The following MAN1A2 variants were observed in gnomAD, a reference collection of about 807,000 sequenced individuals.
MAN1A2 encodes the protein mannosyl-oligosaccharide 1,2-alpha-mannosidase IB.
Under a neutral mutation model 75.7 loss-of-function variants are expected in MAN1A2, and 26 were observed. That is an observed-to-expected ratio of 0.34 (90% CI 0.25 to 0.48). MAN1A2 has a LOEUF of 0.48. Among genes scored for constraint, MAN1A2 ranks in the 20% least tolerant of loss-of-function variants. The pLI is 0.99. For missense variants in MAN1A2, 562 were observed against 775.5 expected (o/e 0.72, Z 3.27); for synonymous variants, 247 against 264.6 (o/e 0.93, Z 0.65).
chr1:117,403,016 C>T (rs1647493075), intron 2 of MAN1A2, among the ~76,000 whole-genome samples: 1 of 151,992 alleles, frequency 6.6e-6, no homozygotes, highest in African/African-American at 2.4e-5. Flanking sequence ...TCTGTAGTTA[C>T]TTAAAAGTAA....
intron 8 of MAN1A2, among the ~76,000 whole-genome samples, chr1:117,472,295 A>G (rs974820680): frequency 1.2e-4 from 18 of 152,056 alleles, no homozygotes; most frequent in African/African-American, 4.3e-4. Context: ...CTCTCTTGCA[A>G]CCACCTGTTA....
At chr1:117,520,781 A>G (rs1419790489) in intron 12 of MAN1A2, among the ~76,000 whole-genome samples, 1 of 152,010 alleles carries the variant, frequency 6.6e-6, no homozygotes, top group Non-Finnish European at 1.5e-5. Flanking sequence ...TTCCTGTCAA[A>G]ATACCACCAT....
intron 7 of MAN1A2, among the ~76,000 whole-genome samples, chr1:117,464,098 G>T (rs780217127): frequency 3.9e-5 from 6 of 152,144 alleles, no homozygotes; most frequent in Non-Finnish European, 8.8e-5. Flanking sequence ...GGGCACAGTG[G>T]TTCACACCTG....
intron 12 of MAN1A2, among the ~76,000 whole-genome samples, chr1:117,517,199 A>G (rs1373197617): frequency 1.3e-5 from 2 of 152,190 alleles, no homozygotes; most frequent in Non-Finnish European, 2.9e-5. Context: ...ACATCCCTGA[A>G]CAAAACTCAA....
chr1:117,458,523 A>AGATATTT (rs372300456), intron 6 of MAN1A2, among the ~76,000 whole-genome samples: 2 of 105,610 alleles, frequency 1.9e-5, no homozygotes, highest in Admixed American at 9.7e-5. Context: ...ATATATATAT[A>AGATATTT]TTTTTTTTTT....
rs755569653 is a variant in MAN1A2, at chr1:117,368,446, G to C, written c.263G>C (p.Gly88Ala). The change falls in exon 1 of 13, where the codon GGA becomes GCA. Residue 88 changes from glycine to alanine, a missense_variant. This residue lies in a region of MAN1A2 where 128 missense variants were observed against 129.8 expected (regional missense o/e 0.99). Coordinates refer to ENST00000356554, the MANE Select transcript of MAN1A2 (RefSeq NM_006699.5). The part of the protein sequence containing the change: ...VDAGKGAKNP[G>A]VFLIHGPDEH... ...GCCGGTAAAGGGGCTAAAAACCCCG[G>C]AGTCTTCCTGATCCATGGACCCGAT... 2 of 1,613,620 alleles carry C rather than the reference G, an allele frequency of 1.2e-6. No individual in the cohort carries two copies. The highest frequency in any genetic ancestry group is 1.3e-5 in the African/African-American group (1 of 74,944).
Position 117,422,884 on chromosome 1 carries a change from A to G in MAN1A2, c.855+2235A>G, listed in dbSNP as rs148492959. 3.9e-4 allele frequency among the ~76,000 whole-genome samples: 59 copies of G among 152,212 alleles called. No homozygotes were observed. In the East Asian group the frequency reaches 8.7e-3, roughly 22 times the overall value. ...CTTGTCTTTCCAGTGATTTAACAGT[A>G]TCTTTTGAAGAATTGATGTTGTTAA... On this transcript the variant is annotated intron_variant, in intron 5 of 12. Transcript: ENST00000356554.
chr1:117,498,028 G>A (rs1651085614), intron 10 of MAN1A2, among the ~76,000 whole-genome samples: 1 of 151,796 alleles, frequency 6.6e-6, no homozygotes, highest in South Asian at 2.1e-4. Flanking sequence ...TAAACTTATG[G>A]CAAAATTGAT....
intron 5 of MAN1A2, among the ~76,000 whole-genome samples, chr1:117,435,717 T>C (rs1399893896): frequency 6.6e-6 from 1 of 152,210 alleles, no homozygotes; most frequent in Non-Finnish European, 1.5e-5. Context: ...ACTTTTTTAT[T>C]TTTTCTATTT....
intron 4 of MAN1A2, among the ~76,000 whole-genome samples, chr1:117,416,648 AAG>A (rs1648002476): frequency 6.6e-6 from 1 of 152,180 alleles, no homozygotes; most frequent in Admixed American, 6.5e-5. Flanking sequence ...AAAAGGCAAA[AAG>A]AGAGCATTGT....
chr1:117,448,774 G>A (rs1334921490), intron 6 of MAN1A2, among the ~76,000 whole-genome samples: 8 of 152,156 alleles, frequency 5.3e-5, no homozygotes, highest in African/African-American at 2.4e-5. Flanking sequence ...TGGGAGTGGC[G>A]AATTTGGGAG....
At chr1:117,467,530 A>G (rs1049523605) in intron 8 of MAN1A2, among the ~76,000 whole-genome samples, 1 of 152,062 alleles carries the variant, frequency 6.6e-6, no homozygotes, top group African/African-American at 2.4e-5. Context: ...GACTCTTTTT[A>G]TACTTACTTT....
chr1:117,431,165 G>A (rs1485196637), intron 5 of MAN1A2, among the ~76,000 whole-genome samples: 1 of 120,718 alleles, frequency 8.3e-6, no homozygotes, highest in East Asian at 2.9e-4. Flanking sequence ...TCCAGCTTCG[G>A]CTCCGCATGA....
intron 8 of MAN1A2, among the ~76,000 whole-genome samples, chr1:117,476,546 G>A (rs1384338513): frequency 2.0e-5 from 3 of 152,040 alleles, no homozygotes; most frequent in African/African-American, 7.2e-5. Flanking sequence ...AAGGTGTAAG[G>A]AAGGGGCCCA....
At chr1:117,504,705 A>G (rs935713211) in intron 12 of MAN1A2, among the ~76,000 whole-genome samples, 2 of 151,490 alleles carry the variant, frequency 1.3e-5, no homozygotes, top group Non-Finnish European at 3.0e-5. Flanking sequence ...TTTGGTTGTC[A>G]TCGTCTCTTT....
At chr1:117,481,555 G>A (rs1469888161) in intron 8 of MAN1A2, among the ~76,000 whole-genome samples, 1 of 151,970 alleles carries the variant, frequency 6.6e-6, no homozygotes, top group Non-Finnish European at 1.5e-5. Flanking sequence ...GGTTGCCTGA[G>A]TGATTGTGCT....
chr1:117,474,467 C>A (rs1650256205), intron 8 of MAN1A2, among the ~76,000 whole-genome samples: 2 of 151,316 alleles, frequency 1.3e-5, no homozygotes, highest in Non-Finnish European at 2.9e-5. Context: ...CTATCCATCT[C>A]CAGCTCTTAT....
At chr1:117,406,489 G>T (rs1440664589) in intron 3 of MAN1A2, among the ~76,000 whole-genome samples, 1 of 152,004 alleles carries the variant, frequency 6.6e-6, no homozygotes, top group East Asian at 1.9e-4. Flanking sequence ...TTGACACTAG[G>T]GAAGGATTTT....
In MAN1A2 at chr1:117,471,018, GT is replaced by G. The variant is rs200743380; in HGVS notation, c.1168+4600del. ...ACCTAGATTTAAAGGCAAATTACTA[GT>G]TTTTTTTTCTTTTCTAAAACTTTTT... On this transcript the variant is annotated intron_variant, in intron 8 of 12. Transcript: ENST00000356554. Among the ~76,000 whole-genome samples the G allele has an allele frequency of 2.6e-3, 391 of 149,282 alleles. 3 individuals carry two copies. Among genetic ancestry groups the G allele is most frequent in the African/African-American group, 9.2e-3 (371 of 40,506 alleles).
Sources: gnomAD v4.1 joint callset for allele counts (sites outside exome capture counted in the v4.1 genomes callset) on GRCh38, gnomAD v4.1.1 for gene constraint, gnomAD v4.1.1 regional missense constraint, MANE v1.5 for transcripts, NCBI Gene and HGNC (gene_info 2026-07-23, HGNC 2026-07-21) for gene names.